Variants in CTSB observed in about 807,000 individuals in gnomAD.
CTSB encodes APP secretase.
Under a neutral mutation model 44.3 loss-of-function variants are expected in CTSB, and 57 were observed. The observed-to-expected ratio is 1.29, with a 90% confidence interval of 1.04 to 1.60. CTSB has a LOEUF of 1.60. Ranked by LOEUF, CTSB falls within the 40% of genes most tolerant of loss-of-function variation. The pLI, the probability that CTSB is intolerant of heterozygous loss-of-function variation, is 0.00. For missense variants in CTSB, 768 were observed against 443.0 expected (o/e 1.73, Z -6.59); for synonymous variants, 320 against 168.0 (o/e 1.91, Z -7.00).
In CTSB at chr8:11,847,722, A is replaced by C. The variant is rs1440683760; in HGVS notation, c.633T>G (p.Cys211Trp). Residue 211 changes from cysteine to tryptophan, a missense_variant, in exon 7 of 10, where the codon TGT (cysteine) becomes TGG (tryptophan). By Grantham distance (215) the Cys-to-Trp change is radical. Coordinates refer to ENST00000353047, the MANE Select transcript of CTSB (RefSeq NM_001908.5). ...EGDTPKCSKI[C>W]EPGYSPTYKQ... Reference sequence around the variant, plus strand: ...TGTAGGTCGGGCTGTAGCCAGGCTCACAGATCTTGCTACACTTGGGGGTAT... The same window carrying C: ...TGTAGGTCGGGCTGTAGCCAGGCTCCCAGATCTTGCTACACTTGGGGGTAT... 1 of 1,596,088 alleles carries C rather than the reference A, an allele frequency of 6.3e-7. No homozygotes were observed. Among genetic ancestry groups the C allele is most frequent in the South Asian group, 1.1e-5 (1 of 88,528 alleles).
At position 11,848,178 on chromosome 8, in the gene CTSB, CCT is replaced by C. The variant is rs1456596319; in HGVS notation, c.447-28_447-27del. ...CTGAAAAGACAGCCTCTAATGAAAA[CCT>C]CTGAGAGAAGCACCACCAGCTCTCC... On this transcript the variant is annotated intron_variant, in intron 5 of 9. Coordinates refer to ENST00000353047, the MANE Select transcript of CTSB (RefSeq NM_001908.5). The C allele has an allele frequency of 1.7e-5, 27 of 1,602,634 alleles. No homozygotes were observed. The East Asian group carries it at 3.3e-4, about 20-fold the overall frequency.
chr8:11,846,869 G>C (rs1200834254), intron 8 of CTSB, among the ~76,000 whole-genome samples, 183 bp downstream of exon 8: 6 of 152,114 alleles, frequency 3.9e-5, no homozygotes, highest in Admixed American at 2.6e-4. Flanking sequence ...CCTGGACAAA[G>C]ACAGTCAGGT....
At chr8:11,863,787 T>G (rs2150452872) in intron 1 of CTSB, among the ~76,000 whole-genome samples, 1 of 152,260 alleles carries the variant, frequency 6.6e-6, no homozygotes, top group Middle Eastern at 3.4e-3. Context: ...TATCTAGTGT[T>G]GGTAAATGTG....
intron 2 of CTSB, 44 bp from the exon 3 acceptor site, chr8:11,852,739 C>A: frequency 6.4e-7 from 1 of 1,573,058 alleles, no homozygotes; most frequent in Non-Finnish European, 8.7e-7. Flanking sequence ...CCCGGGATGG[C>A]GGTGGATGGG....
intron 8 of CTSB, 58 bp from the exon 9 acceptor site, chr8:11,845,847 C>G: frequency 1.3e-6 from 2 of 1,519,316 alleles, no homozygotes; most frequent in Non-Finnish European, 1.8e-6. Context: ...CGCCCCACAG[C>G]ACCCCCCACA....
chr8:11,855,172 C>T (rs1815305563), intron 1 of CTSB, among the ~76,000 whole-genome samples: 1 of 152,112 alleles, frequency 6.6e-6, no homozygotes, highest in African/African-American at 2.4e-5. Flanking sequence ...CAGGCATGTG[C>T]CATCATGCCC....
In CTSB at chr8:11,843,579, T is replaced by C. The variant is rs1289935061; in HGVS notation, c.*1546A>G. ...AAACCAGTGGCATACAAATTCAAAA[T>C]ACTGTATACAGGCCCTGACTCCAGC... On this transcript the variant is annotated 3_prime_UTR_variant, in exon 10 of 10. Coordinates refer to ENST00000353047, the MANE Select transcript of CTSB (RefSeq NM_001908.5). 6.6e-6 allele frequency: 1 copy of C among 152,246 alleles called. No individual in the cohort carries two copies. Among genetic ancestry groups the C allele is most frequent in the Non-Finnish European group, 1.5e-5 (1 of 68,062 alleles). The allele number at this position is 152,246 out of a possible 1,614,324, so 9.4% of individuals were successfully genotyped here.
chr8:11,854,865 AC>A (rs1444622603), intron 1 of CTSB: 1 of 152,304 alleles, frequency 6.6e-6, no homozygotes, highest in Non-Finnish European at 1.5e-5. Flanking sequence ...TCAGCACAGC[AC>A]CCAACGGACC....
At chr8:11,864,786 T>C (rs1387061407) in intron 1 of CTSB, among the ~76,000 whole-genome samples, 5 of 152,014 alleles carry the variant, frequency 3.3e-5, no homozygotes, top group African/African-American at 1.2e-4. Flanking sequence ...TGGTGGTGCA[T>C]GCCTCTAATC....
At chr8:11,852,952 A>C (rs1213056176) in intron 2 of CTSB, among the ~76,000 whole-genome samples, 1 of 152,094 alleles carries the variant, frequency 6.6e-6, no homozygotes, top group Non-Finnish European at 1.5e-5. Context: ...CTTGGTTCTC[A>C]GTCCGAGGGT....
chr8:11,863,539 T>C (rs1187852152), intron 1 of CTSB, among the ~76,000 whole-genome samples: 1 of 152,186 alleles, frequency 6.6e-6, no homozygotes, highest in African/African-American at 2.4e-5. Context: ...AACCCATTTA[T>C]GCCAGAGGTT....
intron 1 of CTSB, among the ~76,000 whole-genome samples, chr8:11,864,084 A>G (rs888832503): frequency 6.6e-6 from 1 of 152,192 alleles, no homozygotes; most frequent in African/African-American, 2.4e-5. Flanking sequence ...ACAGAAATAA[A>G]TCTCACAACC....
intron 5 of CTSB, chr8:11,848,436 C>T (rs934983001): frequency 6.3e-5 from 34 of 535,712 alleles, no homozygotes; most frequent in Middle Eastern, 2.8e-4. Flanking sequence ...AGTGCCCTTC[C>T]GGGTAGAACA....
chr8:11,863,948 G>C (rs1004449), intron 1 of CTSB, among the ~76,000 whole-genome samples: 66 of 152,266 alleles, frequency 4.3e-4, no homozygotes, highest in Admixed American at 8.5e-4. Flanking sequence ...ACTCTTCTAA[G>C]TATCTGGGAG....
chr8:11,863,009 C>T (rs138678856), intron 1 of CTSB, among the ~76,000 whole-genome samples: 1 of 152,178 alleles, frequency 6.6e-6, no homozygotes, highest in Non-Finnish European at 1.5e-5. Context: ...CAGCACCCAG[C>T]ATTTAGAAAA....
chr8:11,867,488 T>C (rs1219965162), intron 1 of CTSB: 1 of 152,264 alleles, frequency 6.6e-6, no homozygotes. Flanking sequence ...GTCCCAGGAA[T>C]TGCGTGGGAT....
chr8:11,847,318 C>T, intron 7 of CTSB, 150 bp from the exon 8 acceptor site: 1 of 653,416 alleles, frequency 1.5e-6, no homozygotes, highest in Non-Finnish European at 2.7e-6. Flanking sequence ...AGGAAGGCTC[C>T]CCTGAAGAAC....
At chr8:11,858,374 A>T (rs1398531351) in intron 1 of CTSB, among the ~76,000 whole-genome samples, 1 of 152,142 alleles carries the variant, frequency 6.6e-6, no homozygotes, top group Non-Finnish European at 1.5e-5. Flanking sequence ...GGCTCACTGC[A>T]AACTCTGCCT....
chr8:11,845,534 G>A (rs1813132523), intron 9 of CTSB, 127 bp downstream of exon 9: 9 of 1,166,992 alleles, frequency 7.7e-6, no homozygotes, highest in Non-Finnish European at 9.5e-6. Context: ...CACTTAGGAG[G>A]AGCTCACAGC....
Sources: gnomAD v4.1 joint callset for allele counts (sites outside exome capture counted in the v4.1 genomes callset) on GRCh38, gnomAD v4.1.1 for gene constraint, MANE v1.5 for transcripts, NCBI Gene and HGNC (gene_info 2026-07-23, HGNC 2026-07-21) for gene names.